EPM2A: variants seen among roughly 807,000 people sequenced by gnomAD.
EPM2A encodes laforin.
Under a neutral mutation model 26.5 loss-of-function variants are expected in EPM2A, and 21 were observed. The ratio of observed to expected loss-of-function variants is 0.79; its 90% CI spans 0.56 to 1.14. The LOEUF (loss-of-function observed/expected upper bound fraction) is 1.14. Among genes scored for constraint, EPM2A ranks in the 50% most tolerant of loss-of-function variants. EPM2A has a pLI of 0.00. For synonymous variants in EPM2A, 217 were observed against 177.6 expected, an observed-to-expected ratio of 1.22 and a Z score of -1.76; for missense variants, 458 against 440.8, an observed-to-expected ratio of 1.04 and a Z score of -0.35.
At chr6:145,486,561 A>C (rs1779680544) in intron 4 of EPM2A, among the ~76,000 whole-genome samples, 1 of 152,094 alleles carries the variant, frequency 6.6e-6, no homozygotes, top group Non-Finnish European at 1.5e-5. Flanking sequence ...CATCCTACAT[A>C]GTTTCTACTT....
At chr6:145,422,233 T>G (rs1055778607) in intron 4 of EPM2A, among the ~76,000 whole-genome samples, 3 of 146,736 alleles carry the variant, frequency 2.0e-5, no homozygotes, top group Non-Finnish European at 4.5e-5. Flanking sequence ...ATCTATATAT[T>G]TGTATACATG....
chr6:145,439,911 G>GT (rs1330198114), intron 4 of EPM2A, among the ~76,000 whole-genome samples: 1 of 152,034 alleles, frequency 6.6e-6, no homozygotes, highest in Non-Finnish European at 1.5e-5. Flanking sequence ...GTCCAAAATT[G>GT]TATGTCCTAC....
chr6:145,439,457 A>G (rs1158513500), intron 4 of EPM2A, among the ~76,000 whole-genome samples: 1 of 152,176 alleles, frequency 6.6e-6, no homozygotes, highest in East Asian at 1.9e-4. Flanking sequence ...TTTTCTCTGC[A>G]ATCTCACCAG....
chr6:145,667,872 G>T (rs944845908), intron 2 of EPM2A, among the ~76,000 whole-genome samples: 5 of 150,926 alleles, frequency 3.3e-5, no homozygotes, highest in South Asian at 2.1e-4. Flanking sequence ...TAGGGACGTG[G>T]ATGAAATTGG....
chr6:145,618,906 T>C (rs574568141), intron 2 of EPM2A, among the ~76,000 whole-genome samples: 1 of 152,198 alleles, frequency 6.6e-6, no homozygotes, highest in Non-Finnish European at 1.5e-5. Flanking sequence ...GTGTCAAGAA[T>C]GATCTTGAAA....
intron 2 of EPM2A, among the ~76,000 whole-genome samples, chr6:145,657,813 T>C (rs886517778): frequency 6.6e-6 from 1 of 152,240 alleles, no homozygotes; most frequent in Non-Finnish European, 1.5e-5. Flanking sequence ...ATCATTTCAC[T>C]TTTAAGACAG....
chr6:145,398,859 CAAA>C (rs67242355), intron 4 of EPM2A, among the ~76,000 whole-genome samples: 3 of 131,556 alleles, frequency 2.3e-5, no homozygotes, highest in Non-Finnish European at 1.6e-5. Flanking sequence ...GACTCTGTCT[CAAA>C]AAAAAAAAAA....
intron 4 of EPM2A, chr6:145,491,880 C>T (rs896793263): frequency 6.3e-5 from 32 of 507,730 alleles, no homozygotes; most frequent in Admixed American, 4.3e-4. Context: ...CTTCTATCTC[C>T]ACCAAAGGTT....
At position 145,587,739 on chromosome 6, in the gene EPM2A, A is replaced by C. The variant is rs976084223; in HGVS notation, c.340+47506T>G. ...CATTACTGAGCAGAATTTTCACTTA[A>C]CCTAATTTGTCTATCTTTTCCAAAA... On this transcript the variant is annotated intron_variant, in intron 2 of 3. Coordinates refer to the EPM2A transcript ENST00000450221. 5.3e-5 allele frequency among the ~76,000 whole-genome samples: 8 copies of C among 152,176 alleles called. No individual in the cohort carries two copies. In the South Asian group the frequency reaches 1.0e-3, roughly 20 times the overall value.
intron 4 of EPM2A, among the ~76,000 whole-genome samples, chr6:145,404,963 T>C (rs568047550): frequency 6.6e-6 from 1 of 152,268 alleles, no homozygotes; most frequent in South Asian, 2.1e-4. Flanking sequence ...TTTATAAAAC[T>C]TTGTGTCCAC....
At chr6:145,534,617 C>A (rs1024078856) in intron 2 of EPM2A, among the ~76,000 whole-genome samples, 1 of 152,236 alleles carries the variant, frequency 6.6e-6, no homozygotes, top group Admixed American at 6.5e-5. Flanking sequence ...TCCTCTGCAG[C>A]TGCAGGAAAT....
At chr6:145,539,016 G>T (rs1039792328) in intron 2 of EPM2A, among the ~76,000 whole-genome samples, 4 of 152,168 alleles carry the variant, frequency 2.6e-5, no homozygotes, top group Non-Finnish European at 5.9e-5. Context: ...GCACAGTTTT[G>T]TACATACGAG....
At chr6:145,510,875 A>C (rs1468313711) in intron 2 of EPM2A, among the ~76,000 whole-genome samples, 1 of 152,058 alleles carries the variant, frequency 6.6e-6, no homozygotes, top group Non-Finnish European at 1.5e-5. Flanking sequence ...AAAAAAGAAC[A>C]TTCAAATAAG....
At chr6:145,517,593 T>C (rs1474793121) in intron 2 of EPM2A, among the ~76,000 whole-genome samples, 1 of 152,202 alleles carries the variant, frequency 6.6e-6, no homozygotes, top group Non-Finnish European at 1.5e-5. Flanking sequence ...ACTATTTAAA[T>C]AGCAATAGAC....
At chr6:145,439,730 T>C (rs918607238) in intron 4 of EPM2A, among the ~76,000 whole-genome samples, 15 of 152,214 alleles carry the variant, frequency 9.9e-5, no homozygotes, top group African/African-American at 3.6e-4. Flanking sequence ...TATTGTCAGA[T>C]GCATAGTTTG....
At chr6:145,722,230 C>T (rs891920898) in intron 1 of EPM2A, among the ~76,000 whole-genome samples, 1 of 152,086 alleles carries the variant, frequency 6.6e-6, no homozygotes, top group African/African-American at 2.4e-5. Context: ...TTTGAATGTA[C>T]TTCTTGATAA....
At chr6:145,563,779 C>G (rs1184944412) in intron 2 of EPM2A, among the ~76,000 whole-genome samples, 1 of 152,108 alleles carries the variant, frequency 6.6e-6, no homozygotes, top group South Asian at 2.1e-4. Flanking sequence ...TCCCACCTCA[C>G]CCCCACCCTC....
At chr6:145,393,819 ATTTTTTTTTCT>A (rs72001115) in intron 4 of EPM2A, among the ~76,000 whole-genome samples, 65,574 of 148,330 alleles carry the variant, frequency 0.44, 14,529 homozygotes, top group East Asian at 0.66. Context: ...ACCTATGACT[ATTTTTTTTTCT>A]TTTTTTTTTT....
intron 1 of EPM2A, among the ~76,000 whole-genome samples, chr6:145,730,265 C>G (rs1055946780): frequency 6.6e-6 from 1 of 152,208 alleles, no homozygotes; most frequent in African/African-American, 2.4e-5. Flanking sequence ...CACAATAGTT[C>G]TGGCCAATTC....
Sources: allele counts gnomAD v4.1 joint callset (sites outside exome capture counted in the v4.1 genomes callset), GRCh38; gene constraint gnomAD v4.1.1; transcripts MANE v1.5; gene names NCBI Gene and HGNC (gene_info 2026-07-23, HGNC 2026-07-21).